The following RBFOX1 variants were observed in gnomAD, a reference collection of about 807,000 sequenced individuals.
RBFOX1 encodes the protein RNA binding protein fox-1 homolog 1.
A neutral mutation model predicts 57.7 loss-of-function variants in RBFOX1; 8 were observed. The ratio of observed to expected loss-of-function variants is 0.14; its 90% CI spans 0.08 to 0.25. The LOEUF is 0.25. Ranked by LOEUF, RBFOX1 falls within the 10% of genes least tolerant of loss-of-function variation. The pLI, the probability that RBFOX1 is intolerant of heterozygous loss-of-function variation, is 1.00. For synonymous variants in RBFOX1, 326 were observed against 222.4 expected, an observed-to-expected ratio of 1.47 and a Z score of -4.15; for missense variants, 611 against 548.5, an observed-to-expected ratio of 1.11 and a Z score of -1.14.
At chr16:6,043,840 A>G (rs1228547589) in intron 1 of RBFOX1, among the ~76,000 whole-genome samples, 1 of 152,090 alleles carries the variant, frequency 6.6e-6, no homozygotes, top group Non-Finnish European at 1.5e-5. Context: ...CAAGGCTTCT[A>G]TTGTCCTGTG....
chr16:7,570,260 A>C (rs2092637343), intron 5 of RBFOX1, among the ~76,000 whole-genome samples: 1 of 151,986 alleles, frequency 6.6e-6, no homozygotes, highest in Non-Finnish European at 1.5e-5. Context: ...AAAGTCCTTC[A>C]CCAGCATCCT....
intron 3 of RBFOX1, among the ~76,000 whole-genome samples, chr16:7,022,085 C>T (rs1197706027): frequency 7.5e-6 from 1 of 133,730 alleles, no homozygotes; most frequent in Non-Finnish European, 1.6e-5. Flanking sequence ...TTCCTTTCCA[C>T]AGGGTCTCAC....
At chr16:5,583,445 C>T (rs987129409) in intron 2 of RBFOX1, among the ~76,000 whole-genome samples, 1 of 152,190 alleles carries the variant, frequency 6.6e-6, no homozygotes, top group Non-Finnish European at 1.5e-5. Flanking sequence ...AAGTCAAACG[C>T]CGAGCTCTAA....
intron 2 of RBFOX1, among the ~76,000 whole-genome samples, chr16:6,567,919 C>G (rs1209445175): frequency 6.6e-6 from 1 of 152,106 alleles, no homozygotes; most frequent in Non-Finnish European, 1.5e-5. Context: ...CTGCCAGGCT[C>G]AAGCAATCTT....
intron 4 of RBFOX1, among the ~76,000 whole-genome samples, chr16:7,247,659 T>C (rs1163048982): frequency 6.6e-6 from 1 of 152,256 alleles, no homozygotes; most frequent in East Asian, 1.9e-4. Context: ...CATTAGTGAC[T>C]GCTTGTCATT....
intron 1 of RBFOX1, among the ~76,000 whole-genome samples, chr16:6,216,963 G>T (rs140176767): frequency 6.6e-6 from 1 of 151,426 alleles, no homozygotes; most frequent in Non-Finnish European, 1.5e-5. Context: ...TTCACCTTTT[G>T]CCCACTTAAA....
rs562229231 is a variant in RBFOX1, at chr16:7,617,849, A to G, written c.676+10511A>G. 2.6e-5 allele frequency among the ~76,000 whole-genome samples: 4 copies of G among 152,294 alleles called. No homozygotes were observed. The South Asian group carries it at 8.3e-4, about 32-fold the overall frequency. On this transcript the variant is annotated intron_variant, in intron 10 of 15. Coordinates refer to ENST00000550418, the MANE Select transcript of RBFOX1 (RefSeq NM_018723.4). The stretch of plus-strand genomic sequence containing the variant: ...CCAAAAGAATAACAAGGCTCTCTGC[A>G]TGAGGAGTCAAGGGGGTGGTGTAAA...
intron 1 of RBFOX1, among the ~76,000 whole-genome samples, chr16:6,250,619 G>C (rs1478686010): frequency 6.6e-6 from 1 of 152,120 alleles, no homozygotes; most frequent in African/African-American, 2.4e-5. Context: ...TATGCTCTGG[G>C]AAGATTTGAG....
At chr16:6,552,400 C>T (rs1567654402) in intron 2 of RBFOX1, among the ~76,000 whole-genome samples, 1 of 152,126 alleles carries the variant, frequency 6.6e-6, no homozygotes, top group Non-Finnish European at 1.5e-5. Context: ...CTGTAGTTCT[C>T]AGAAACTCAG....
rs17672645 is a variant in RBFOX1 at position 7,439,904 on chromosome 16, A to G, written c.28-78243A>G. Among the ~76,000 whole-genome samples, 494 of 151,706 alleles carry G rather than the reference A, an allele frequency of 3.3e-3. 3 individuals are homozygous for G. The highest frequency in any genetic ancestry group is 6.7e-3 in the South Asian group (32 of 4,802). On this transcript the variant is annotated intron_variant, in intron 4 of 15. Coordinates refer to ENST00000550418, the MANE Select transcript of RBFOX1 (RefSeq NM_018723.4). ...AATTGTTGCTTTGTATTAGCAGTCA[A>G]GGCTCCAGGTTTCCTGAACCACAAA...
chr16:6,827,249 C>T lies in RBFOX1; in HGVS notation c.-16+172599C>T, dbSNP rs150092753. Among the ~76,000 whole-genome samples the T allele has an allele frequency of 4.0e-4, 60 of 150,372 alleles. 3 individuals are homozygous for T. In the East Asian group the frequency reaches 0.011, roughly 27 times the overall value. On this transcript the variant is annotated intron_variant, in intron 3 of 15. Coordinates refer to ENST00000550418, the MANE Select transcript of RBFOX1 (RefSeq NM_018723.4). ...TTTAATCTCATTTTCTCCTAAAGTT[C>T]TTCTCTTCAATATGATCTGCAAAGG... is the stretch of plus-strand genomic sequence containing the variant.
At chr16:5,932,630 A>G (rs2059086616) in intron 4 of RBFOX1, among the ~76,000 whole-genome samples, 1 of 152,230 alleles carries the variant, frequency 6.6e-6, no homozygotes, top group African/African-American at 2.4e-5. Context: ...AAGGAACAAA[A>G]TTATGATTAT....
At chr16:7,278,177 G>T (rs1367745782) in intron 4 of RBFOX1, among the ~76,000 whole-genome samples, 1 of 152,134 alleles carries the variant, frequency 6.6e-6, no homozygotes, top group African/African-American at 2.4e-5. Flanking sequence ...AGTTGGAAAT[G>T]GTTGATATGG....
Position 7,146,484 on chromosome 16 carries a change from C to T in RBFOX1, c.27+94386C>T, listed in dbSNP as rs546384832. ...AGTGACGATGAACAAAGGTGGTCTT[C>T]AGCTTTCTGATACTAGAGAGAGCTA... On this transcript the variant is annotated intron_variant, in intron 4 of 15. Coordinates refer to ENST00000550418, the MANE Select transcript of RBFOX1 (RefSeq NM_018723.4). Among the ~76,000 whole-genome samples the T allele has an allele frequency of 9.3e-4, 142 of 152,274 alleles. 1 individual carries two copies. The highest frequency in any genetic ancestry group is 8.5e-4 in the Non-Finnish European group (58 of 68,022).
intron 4 of RBFOX1, among the ~76,000 whole-genome samples, chr16:7,351,615 C>T (rs569248256): frequency 5.3e-5 from 8 of 152,296 alleles, no homozygotes; most frequent in South Asian, 2.1e-4. Context: ...GAGCTCACAT[C>T]CTTTATTGTC....
At chr16:7,399,186 G>A (rs916466402) in intron 4 of RBFOX1, among the ~76,000 whole-genome samples, 2 of 152,314 alleles carry the variant, frequency 1.3e-5, no homozygotes, top group South Asian at 2.1e-4. Flanking sequence ...GGTAGCTCAC[G>A]CCTGTTATCC....
At chr16:5,973,911 T>C (rs1301903178) in intron 4 of RBFOX1, among the ~76,000 whole-genome samples, 1 of 152,178 alleles carries the variant, frequency 6.6e-6, no homozygotes, top group Non-Finnish European at 1.5e-5. Context: ...AAAATGCATA[T>C]TGAATGGACT....
At chr16:7,430,337 T>G (rs1019789328) in intron 4 of RBFOX1, among the ~76,000 whole-genome samples, 2 of 152,166 alleles carry the variant, frequency 1.3e-5, no homozygotes, top group Non-Finnish European at 2.9e-5. Context: ...TGATAATATT[T>G]TGAAACAACT....
intron 3 of RBFOX1, among the ~76,000 whole-genome samples, chr16:6,755,986 C>T (rs1180545861): frequency 2.0e-5 from 3 of 152,142 alleles, no homozygotes; most frequent in Non-Finnish European, 4.4e-5. Flanking sequence ...TAGCTGAGGT[C>T]AATAAGTGCC....
Sources: gnomAD v4.1 joint callset for allele counts (sites outside exome capture counted in the v4.1 genomes callset) on GRCh38, gnomAD v4.1.1 for gene constraint, MANE v1.5 for transcripts, NCBI Gene and HGNC (gene_info 2026-07-23, HGNC 2026-07-21) for gene names.